The following FMN2 variants were observed in gnomAD, a reference collection of about 807,000 sequenced individuals.
FMN2 encodes the protein formin 2.
Under a neutral mutation model 142.3 loss-of-function variants are expected in FMN2, and 51 were observed. The observed-to-expected ratio is 0.36, with a 90% CI of 0.29 to 0.45. The LOEUF (loss-of-function observed/expected upper bound fraction) is 0.45. Among genes scored for constraint, FMN2 ranks in the 20% least tolerant of loss-of-function variants. FMN2 has a pLI of 1.00. For missense variants in FMN2, 1,936 were observed against 2,122.8 expected, an observed-to-expected ratio of 0.91 and a Z score of 1.73; for synonymous variants, 882 against 869.8, an observed-to-expected ratio of 1.01 and a Z score of -0.25.
chr1:240,267,054 A>G (rs1312305041), intron 7 of FMN2, among the ~76,000 whole-genome samples: 2 of 152,152 alleles, frequency 1.3e-5, no homozygotes, highest in Non-Finnish European at 2.9e-5. Flanking sequence ...ATTTATGACT[A>G]AGTCCTCAAA....
rs565189382 is a variant in FMN2 at position 240,092,723 on chromosome 1, TGCAGCA to T, written c.632_637del (p.Gln211_Gln212del). 76 of 1,612,828 alleles carry T rather than the reference TGCAGCA, an allele frequency of 4.7e-5. No individual in the cohort carries two copies. Among genetic ancestry groups the T allele is most frequent in the Middle Eastern group, 1.6e-4 (1 of 6,082 alleles). On this transcript the variant is annotated inframe_deletion, in exon 1 of 18. Coordinates refer to ENST00000319653, the MANE Select transcript of FMN2 (RefSeq NM_020066.5). Reference sequence around the variant, plus strand: ...TCAGACATCCAGCAGGCGATCCGCCTGCAGCAGCAGCAGCAGCAGCAGCTCCAGCTC... The same window carrying T: ...TCAGACATCCAGCAGGCGATCCGCCTGCAGCAGCAGCAGCAGCTCCAGCTC...
intron 4 of FMN2, among the ~76,000 whole-genome samples, chr1:240,197,952 A>G (rs1373292647): frequency 6.6e-6 from 1 of 152,122 alleles, no homozygotes; most frequent in African/African-American, 2.4e-5. Context: ...TATAGGCGTG[A>G]GCCACTGTGC....
At chr1:240,254,951 T>C (rs1263327211) in intron 6 of FMN2, among the ~76,000 whole-genome samples, 1 of 152,128 alleles carries the variant, frequency 6.6e-6, no homozygotes, top group Non-Finnish European at 1.5e-5. Flanking sequence ...TGGAACTCAG[T>C]GCGCGCTCCC....
intron 15 of FMN2, among the ~76,000 whole-genome samples, chr1:240,434,550 TTTTTG>T (rs1466746697): frequency 3.9e-5 from 4 of 102,254 alleles, no homozygotes; most frequent in Non-Finnish European, 9.7e-5. Flanking sequence ...TGTTTTTTGT[TTTTTG>T]TTTTTTTTTG....
chr1:240,425,211 G>GAGAGAGAGAGAC (rs1674895439), intron 15 of FMN2, among the ~76,000 whole-genome samples: 1 of 150,936 alleles, frequency 6.6e-6, no homozygotes, highest in South Asian at 2.1e-4. Flanking sequence ...AGGTGAGAGA[G>GAGAGAGAGAGAC]AGAGAGAGAG....
At chr1:240,166,915 A>T (rs1664504564) in intron 2 of FMN2, among the ~76,000 whole-genome samples, 1 of 152,202 alleles carries the variant, frequency 6.6e-6, no homozygotes, top group South Asian at 2.1e-4. Flanking sequence ...TGAGGTCAGG[A>T]GTTCAAGACC....
rs532496640 is a variant in FMN2, at chr1:240,303,560, T to C, written c.4215+8677T>C. On this transcript the variant is annotated intron_variant, in intron 8 of 17. Transcript: ENST00000319653. The stretch of plus-strand genomic sequence containing the variant: ...TTGAGCATTTCTTGTGTGTGACCAG[T>C]TACTTCTTTCTTGCTAGTGTTAATA... 2.4e-3 allele frequency among the ~76,000 whole-genome samples: 368 copies of C among 152,296 alleles called. 1 individual carries two copies. Among genetic ancestry groups the C allele is most frequent in the African/African-American group, 8.6e-3 (356 of 41,554 alleles).
At chr1:240,431,902 A>T (rs2103165347) in intron 15 of FMN2, among the ~76,000 whole-genome samples, 2 of 150,966 alleles carry the variant, frequency 1.3e-5, no homozygotes, top group Middle Eastern at 6.8e-3. Context: ...TATGCTCATG[A>T]GGGATATTTG....
chr1:240,156,576 A>C (rs566404466), intron 2 of FMN2, among the ~76,000 whole-genome samples: 4 of 152,326 alleles, frequency 2.6e-5, no homozygotes, highest in African/African-American at 7.2e-5. Flanking sequence ...TAGACTGTGC[A>C]CTTGCTTCAC....
chr1:240,215,579 A>AT (rs1334971088), intron 6 of FMN2, among the ~76,000 whole-genome samples: 3 of 152,250 alleles, frequency 2.0e-5, no homozygotes, highest in Admixed American at 2.0e-4. Context: ...TTAAAAATGA[A>AT]TTAAATACTT....
At chr1:240,338,745 A>G (rs1199413475) in intron 13 of FMN2, among the ~76,000 whole-genome samples, 4 of 152,184 alleles carry the variant, frequency 2.6e-5, no homozygotes, top group Non-Finnish European at 5.9e-5. Context: ...TGGACAAGCC[A>G]GTGGGGGATG....
intron 2 of FMN2, among the ~76,000 whole-genome samples, chr1:240,166,852 C>T (rs10926154): frequency 0.32 from 48,749 of 152,018 alleles, 8,598 homozygotes; most frequent in African/African-American, 0.48. Context: ...CTGGGCGCAG[C>T]GGCTCACGCC....
chr1:240,263,450 T>C (rs181373428), intron 7 of FMN2, among the ~76,000 whole-genome samples: 222 of 152,294 alleles, frequency 1.5e-3, no homozygotes, highest in African/African-American at 4.7e-3. Context: ...TAGACTCTTA[T>C]TCTAGCTATG....
chr1:240,296,553 T>C (rs769328575), intron 8 of FMN2, among the ~76,000 whole-genome samples: 2 of 151,382 alleles, frequency 1.3e-5, no homozygotes, highest in Non-Finnish European at 2.9e-5. Flanking sequence ...CTTTTCTGTC[T>C]CAAGTCAAAT....
intron 14 of FMN2, among the ~76,000 whole-genome samples, chr1:240,357,714 TC>T (rs764868450): frequency 2.0e-5 from 3 of 151,966 alleles, no homozygotes; most frequent in African/African-American, 4.8e-5. Context: ...TTCAAGTGAT[TC>T]TCCTGCCTCA....
At chr1:240,252,953 C>CTTTTTTTTTGTTTTTTTTTTTT (rs1668327202) in intron 6 of FMN2, among the ~76,000 whole-genome samples, 1 of 65,346 alleles carries the variant, frequency 1.5e-5, no homozygotes, top group East Asian at 7.5e-4. Flanking sequence ...GTCTTGTTCA[C>CTTTTTTTTTGTTTTTTTTTTTT]TTTTTTTTTT....
At chr1:240,175,792 A>G (rs536337086) in intron 2 of FMN2, among the ~76,000 whole-genome samples, 2 of 152,260 alleles carry the variant, frequency 1.3e-5, no homozygotes, top group South Asian at 4.1e-4. Context: ...TTGCGTTTCC[A>G]TAATGATTAG....
chr1:240,251,986 G>A (rs1332523915), intron 6 of FMN2, among the ~76,000 whole-genome samples: 1 of 152,186 alleles, frequency 6.6e-6, no homozygotes, highest in East Asian at 1.9e-4. Context: ...TCGGCTCAGT[G>A]CAACCTCCGC....
chr1:240,306,990 C>G (rs114158224), intron 8 of FMN2, among the ~76,000 whole-genome samples: 3,973 of 152,280 alleles, frequency 0.026, 89 homozygotes, highest in South Asian at 0.061. Context: ...TTGTATCTCT[C>G]TGGTGTTTAG....
Sources: allele counts gnomAD v4.1 joint callset (sites outside exome capture counted in the v4.1 genomes callset), GRCh38; gene constraint gnomAD v4.1.1; transcripts MANE v1.5; gene names NCBI Gene and HGNC (gene_info 2026-07-23, HGNC 2026-07-21).